The following GOPC variants were observed in gnomAD, a reference collection of about 807,000 sequenced individuals.
The protein encoded by GOPC is golgi associated PDZ and coiled-coil motif containing, also known as Golgi-associated PDZ and coiled-coil motif-containing protein.
GOPC carries 32 observed loss-of-function variants against 51.2 expected under a neutral mutation model. The observed-to-expected ratio is 0.63, with a 90% CI of 0.47 to 0.84. The LOEUF is 0.84. Ranked by LOEUF, GOPC falls within the 40% of genes least tolerant of loss-of-function variation. GOPC has a pLI of 0.00. For synonymous variants in GOPC, 190 were observed against 205.1 expected (o/e 0.93, Z 0.63); for missense variants, 441 against 555.5 (o/e 0.79, Z 2.07).
At chr6:117,582,850 G>A (rs1021932594) in intron 1 of GOPC, among the ~76,000 whole-genome samples, 5 of 151,554 alleles carry the variant, frequency 3.3e-5, no homozygotes, top group African/African-American at 9.7e-5. Context: ...ACAAGAATTC[G>A]GGACCCACCA....
At chr6:117,597,446 G>A (rs1462503326) in intron 1 of GOPC, among the ~76,000 whole-genome samples, 1 of 152,128 alleles carries the variant, frequency 6.6e-6, no homozygotes, top group African/African-American at 2.4e-5. Context: ...GTGAAGGGGG[G>A]CACATTCTTC....
rs959689867 is a variant in GOPC, at chr6:117,575,033, C to A, written c.650+144G>T. 1.8e-5 allele frequency: 10 copies of A among 563,476 alleles called. No homozygotes were observed. The African/African-American group carries it at 1.9e-4, about 11-fold the overall frequency. 34.9% of individuals were successfully genotyped at this position (563,476 alleles called of 1,614,324 possible). Reference sequence around the variant, plus strand: ...GGCAGAGGTTGCAGTGAGCAGAGATCATGCCACTGCACTCCAGCCTGGGCA... The same window carrying A: ...GGCAGAGGTTGCAGTGAGCAGAGATAATGCCACTGCACTCCAGCCTGGGCA... On this transcript the variant is annotated intron_variant, in intron 4 of 8. Coordinates refer to ENST00000368498, the MANE Select transcript of GOPC (RefSeq NM_020399.4).
At chr6:117,597,473 T>C (rs1780213805) in intron 1 of GOPC, among the ~76,000 whole-genome samples, 10 of 152,206 alleles carry the variant, frequency 6.6e-5, no homozygotes, top group Admixed American at 6.5e-4. Context: ...AAAGTTTCTC[T>C]TTTTTCTTCC....
intron 1 of GOPC, among the ~76,000 whole-genome samples, chr6:117,598,462 A>C (rs1007809150): frequency 7.9e-5 from 12 of 152,176 alleles, no homozygotes; most frequent in African/African-American, 2.9e-4. Context: ...GGGTAGGAAG[A>C]TGTTGGTTAA....
chr6:117,583,065 G>A (rs764313298), intron 1 of GOPC, among the ~76,000 whole-genome samples: 1 of 152,136 alleles, frequency 6.6e-6, no homozygotes, highest in African/African-American at 2.4e-5. Context: ...CATGGAGTTT[G>A]CTCCTGCAGG....
intron 1 of GOPC, among the ~76,000 whole-genome samples, chr6:117,591,216 ATATC>A (rs1780112006): frequency 1.3e-5 from 2 of 152,308 alleles, no homozygotes; most frequent in South Asian, 4.1e-4. Context: ...AACCAATCTG[ATATC>A]TATACCAAAG....
intron 3 of GOPC, 31 bp downstream of exon 3, chr6:117,577,417 T>C: frequency 1.3e-6 from 2 of 1,592,892 alleles, no homozygotes; most frequent in Non-Finnish European, 1.7e-6. Context: ...CAGCGTGACA[T>C]ATTAAAGCAA....
chr6:117,565,242 T>C (rs368764559), intron 8 of GOPC, among the ~76,000 whole-genome samples: 2 of 152,208 alleles, frequency 1.3e-5, no homozygotes, highest in African/African-American at 4.8e-5. Flanking sequence ...TTGTAGATGA[T>C]AGCTGTATTT....
intron 8 of GOPC, 68 bp from the exon 9 acceptor site, chr6:117,563,452 T>A (rs1779628463): frequency 2.0e-6 from 3 of 1,487,120 alleles, no homozygotes; most frequent in Non-Finnish European, 1.9e-6. Flanking sequence ...TCAGGTGCAG[T>A]GGCTCATACC....
intron 1 of GOPC, among the ~76,000 whole-genome samples, chr6:117,587,093 A>C (rs1191007489): frequency 6.6e-6 from 1 of 152,204 alleles, no homozygotes; most frequent in Admixed American, 6.5e-5. Flanking sequence ...AAGATAGGAA[A>C]TAATACTCCT....
intron 1 of GOPC, among the ~76,000 whole-genome samples, chr6:117,582,518 C>G (rs1022642442): frequency 6.6e-6 from 1 of 151,438 alleles, no homozygotes; most frequent in East Asian, 2.0e-4. Flanking sequence ...CCCTGCCCCC[C>G]ATCCTGTGCC....
At chr6:117,573,006 A>C (rs1390100761) in intron 5 of GOPC, among the ~76,000 whole-genome samples, 1 of 152,226 alleles carries the variant, frequency 6.6e-6, no homozygotes, top group Non-Finnish European at 1.5e-5. Context: ...AACTGGCTAC[A>C]GATCTCAAAT....
chr6:117,590,298 A>G (rs1780097083), intron 1 of GOPC, among the ~76,000 whole-genome samples: 1 of 152,194 alleles, frequency 6.6e-6, no homozygotes, highest in Non-Finnish European at 1.5e-5. Flanking sequence ...CAGGCTGGGC[A>G]TGGTGGCTCA....
chr6:117,598,701 G>A (rs907754603), intron 1 of GOPC, among the ~76,000 whole-genome samples: 3 of 152,268 alleles, frequency 2.0e-5, no homozygotes, highest in African/African-American at 7.2e-5. Flanking sequence ...CAGAGGTCAG[G>A]CTGTAATGCT....
chr6:117,565,666 C>T (rs1345965783), intron 8 of GOPC, among the ~76,000 whole-genome samples: 2 of 152,166 alleles, frequency 1.3e-5, no homozygotes, highest in Non-Finnish European at 2.9e-5. Flanking sequence ...CTGTCAAGCT[C>T]ATGGTGATCA....
intron 1 of GOPC, among the ~76,000 whole-genome samples, chr6:117,595,806 T>C (rs914821878): frequency 6.6e-6 from 1 of 152,198 alleles, no homozygotes; most frequent in Non-Finnish European, 1.5e-5. Context: ...TATTGATTGA[T>C]GGGTATTTGG....
At chr6:117,563,625 G>A (rs1473760375) in intron 8 of GOPC, among the ~76,000 whole-genome samples, 1 of 151,968 alleles carries the variant, frequency 6.6e-6, no homozygotes, top group Non-Finnish European at 1.5e-5. Context: ...GGGAGACTGA[G>A]GAAGGAGAAT....
intron 1 of GOPC, among the ~76,000 whole-genome samples, chr6:117,587,707 C>T (rs1780053918): frequency 6.6e-6 from 1 of 152,032 alleles, no homozygotes; most frequent in African/African-American, 2.4e-5. Flanking sequence ...TATAATAAAA[C>T]ATTATTTGTC....
Position 117,561,077 on chromosome 6 carries a change from C to T in GOPC, c.*2177G>A, listed in dbSNP as rs544631945. 1.1e-3 allele frequency: 248 copies of T among 223,126 alleles called. No individual in the cohort carries two copies. Among genetic ancestry groups the T allele is most frequent in the Non-Finnish European group, 1.8e-3 (199 of 111,730 alleles). 13.8% of individuals were successfully genotyped at this position (223,126 alleles called of 1,614,324 possible). A position where few individuals can be genotyped will look rare whatever the true frequency, so the allele number is the denominator to read the frequency against. On this transcript the variant is annotated 3_prime_UTR_variant, in exon 9 of 9. Transcript: ENST00000368498. ...GAAGCTCACAGTAGCATCTGAGCAA[C>T]GGTGCTCTCCCGTAGGCTTATAAAC...
Sources: allele counts gnomAD v4.1 joint callset (sites outside exome capture counted in the v4.1 genomes callset), GRCh38; gene constraint gnomAD v4.1.1; transcripts MANE v1.5; gene names NCBI Gene and HGNC (gene_info 2026-07-23, HGNC 2026-07-21).